The following CCNY variants were observed in gnomAD, a reference collection of about 807,000 sequenced individuals.
CCNY encodes cyclin-Y.
In CCNY, 19 loss-of-function variants were observed where a neutral mutation model predicts 42.8. The observed-to-expected ratio is 0.44, with a 90% CI of 0.31 to 0.65. The LOEUF (loss-of-function observed/expected upper bound fraction) is 0.65, where lower values mean the gene tolerates loss of function less well. Among genes scored for constraint, CCNY ranks in the 30% least tolerant of loss-of-function variants. The pLI, the probability that CCNY is intolerant of heterozygous loss-of-function variation, is 0.07. For synonymous variants in CCNY, 165 were observed against 162.7 expected (o/e 1.01, Z -0.11); for missense variants, 370 against 437.3 (o/e 0.85, Z 1.37).
chr10:35,496,453 G>A (rs1050851154), intron 2 of CCNY, among the ~76,000 whole-genome samples: 1 of 152,182 alleles, frequency 6.6e-6, no homozygotes, highest in East Asian at 1.9e-4. Context: ...AGTATCTTAG[G>A]TATCTTAGGA....
intron 1 of CCNY, among the ~76,000 whole-genome samples, chr10:35,369,239 G>A (rs537071433): frequency 6.6e-5 from 10 of 152,330 alleles, no homozygotes; most frequent in Non-Finnish European, 1.2e-4. Flanking sequence ...GAGCATCAGC[G>A]GGACAGGAAC....
intron 3 of CCNY, among the ~76,000 whole-genome samples, chr10:35,298,477 T>C (rs1269858446): frequency 6.6e-6 from 1 of 152,206 alleles, no homozygotes; most frequent in Non-Finnish European, 1.5e-5. Flanking sequence ...TATGTGTTAG[T>C]ACTTTGCTCA....
At chr10:35,338,235 C>A (rs921990145) in intron 1 of CCNY, among the ~76,000 whole-genome samples, 1 of 152,316 alleles carries the variant, frequency 6.6e-6, no homozygotes, top group South Asian at 2.1e-4. Flanking sequence ...ATGGAAGATT[C>A]TCTCCACTGT....
At chr10:35,281,167 C>T (rs1363012449) in intron 3 of CCNY, among the ~76,000 whole-genome samples, 1 of 152,200 alleles carries the variant, frequency 6.6e-6, no homozygotes, top group Non-Finnish European at 1.5e-5. Flanking sequence ...TTGTGGAAAA[C>T]AGGCACTCCT....
intron 1 of CCNY, among the ~76,000 whole-genome samples, chr10:35,354,675 C>T (rs1170933317): frequency 6.6e-6 from 1 of 152,134 alleles, no homozygotes; most frequent in Non-Finnish European, 1.5e-5. Flanking sequence ...TTGTGTTTAA[C>T]AGAAGTTCAC....
At chr10:35,523,265 A>G (rs1159988376) in intron 4 of CCNY, among the ~76,000 whole-genome samples, 1 of 152,224 alleles carries the variant, frequency 6.6e-6, no homozygotes, top group Non-Finnish European at 1.5e-5. Context: ...AAGATATGAA[A>G]GGACCTTCAT....
At chr10:35,519,772 T>TTTTC (rs1323233921) in intron 4 of CCNY, among the ~76,000 whole-genome samples, 37 of 135,816 alleles carry the variant, frequency 2.7e-4, no homozygotes, top group Non-Finnish European at 3.6e-4. Flanking sequence ...TTTTCTTTTC[T>TTTTC]TTTCTTTTTT....
At chr10:35,514,236 TGC>T (rs1840382925) in intron 3 of CCNY, among the ~76,000 whole-genome samples, 2 of 152,212 alleles carry the variant, frequency 1.3e-5, no homozygotes, top group African/African-American at 4.8e-5. Flanking sequence ...AATGACTTAG[TGC>T]CTAAATGGTC....
chr10:35,516,506 T>G lies in CCNY; in HGVS notation c.265-17T>G. 6.4e-7 allele frequency: 1 copy of G among 1,574,060 alleles called. No individual in the cohort carries two copies. The highest frequency in any genetic ancestry group is 8.7e-7 in the Non-Finnish European group (1 of 1,143,832). ...GCCCTGTGTAATTGCCTTAATCTTC[T>G]TGCTGTTGTTTTCTAGCATCCTCCA... On this transcript the variant is annotated splice_polypyrimidine_tract_variant and intron_variant, in intron 3 of 9. Transcript: ENST00000374704.
At chr10:35,548,477 T>C (rs893437736) in intron 7 of CCNY, among the ~76,000 whole-genome samples, 5 of 151,950 alleles carry the variant, frequency 3.3e-5, no homozygotes, top group Admixed American at 6.6e-5. Context: ...TTTGTATTTT[T>C]AGTAGAGACG....
chr10:35,317,876 G>A (rs1347079811), intron 3 of CCNY, among the ~76,000 whole-genome samples: 5 of 119,924 alleles, frequency 4.2e-5, no homozygotes, highest in Non-Finnish European at 9.3e-5. Context: ...CTTTCCCTTT[G>A]GAGGAGTGAT....
intron 3 of CCNY, among the ~76,000 whole-genome samples, chr10:35,512,991 G>T (rs1001660267): frequency 2.8e-4 from 42 of 152,258 alleles, no homozygotes; most frequent in African/African-American, 9.6e-4. Context: ...GTATCTGACA[G>T]ACATCAGTAT....
intron 8 of CCNY, among the ~76,000 whole-genome samples, chr10:35,556,974 A>G (rs898194649): frequency 6.6e-6 from 1 of 151,768 alleles, no homozygotes; most frequent in Admixed American, 6.6e-5. Flanking sequence ...CCTCCTGAGT[A>G]GCTGGGATTA....
chr10:35,275,849 T>G (rs1242272075), intron 3 of CCNY, among the ~76,000 whole-genome samples: 2 of 151,934 alleles, frequency 1.3e-5, no homozygotes, highest in Non-Finnish European at 2.9e-5. Context: ...TGGACCTAGG[T>G]CGGGACCCAT....
intron 3 of CCNY, among the ~76,000 whole-genome samples, chr10:35,314,261 C>A (rs1199224764): frequency 2.6e-5 from 4 of 152,126 alleles, no homozygotes; most frequent in Admixed American, 1.3e-4. Context: ...GTTTAATGGA[C>A]TCACAGTTCC....
At chr10:35,433,645 C>G (rs1397845834) in intron 1 of CCNY, among the ~76,000 whole-genome samples, 2 of 152,206 alleles carry the variant, frequency 1.3e-5, no homozygotes, top group African/African-American at 2.4e-5. Flanking sequence ...AAGTTTCACT[C>G]TTGTCACCCA....
intron 1 of CCNY, among the ~76,000 whole-genome samples, chr10:35,385,552 C>T (rs984609804): frequency 6.6e-6 from 1 of 152,164 alleles, no homozygotes; most frequent in Non-Finnish European, 1.5e-5. Flanking sequence ...AATGCTTTGT[C>T]CACAGTTTTC....
intron 3 of CCNY, among the ~76,000 whole-genome samples, chr10:35,303,938 G>T (rs1835570721): frequency 6.6e-6 from 1 of 152,054 alleles, no homozygotes; most frequent in Non-Finnish European, 1.5e-5. Context: ...TACGATGTGG[G>T]GAAAACACTA....
chr10:35,256,447 C>T (rs2095715539), intron 3 of CCNY, among the ~76,000 whole-genome samples: 1 of 152,020 alleles, frequency 6.6e-6, no homozygotes, highest in Admixed American at 6.6e-5. Context: ...TTTAACTTAA[C>T]ATACAAGGCT....
Sources: gnomAD v4.1 joint callset for allele counts (sites outside exome capture counted in the v4.1 genomes callset) on GRCh38, gnomAD v4.1.1 for gene constraint, MANE v1.5 for transcripts, NCBI Gene and HGNC (gene_info 2026-07-23, HGNC 2026-07-21) for gene names.